Variants in KLHL1 observed in about 807,000 individuals in gnomAD.
KLHL1 encodes the protein kelch like family member 1, also known as kelch-like protein 1.
KLHL1 carries 47 observed loss-of-function variants against 77.7 expected under a neutral mutation model. That is an observed-to-expected ratio of 0.60 (90% CI 0.48 to 0.77). KLHL1 has a LOEUF of 0.77. Ranked by LOEUF, KLHL1 falls within the 30% of genes least tolerant of loss-of-function variation. KLHL1 has a pLI of 0.00. For missense variants in KLHL1, 925 were observed against 910.8 expected (o/e 1.02, Z -0.20); for synonymous variants, 360 against 325.2 (o/e 1.11, Z -1.15).
At chr13:69,905,742 C>A (rs1882026375) in intron 4 of KLHL1, among the ~76,000 whole-genome samples, 2 of 151,986 alleles carry the variant, frequency 1.3e-5, no homozygotes, top group South Asian at 4.2e-4. Context: ...CAGTGAGGTA[C>A]AATAAGGTTT....
At chr13:70,005,134 C>T (rs1319108048) in intron 1 of KLHL1, among the ~76,000 whole-genome samples, 1 of 151,578 alleles carries the variant, frequency 6.6e-6, no homozygotes, top group South Asian at 2.1e-4. Flanking sequence ...CATATACACT[C>T]ATAAATATCT....
intron 1 of KLHL1, among the ~76,000 whole-genome samples, chr13:70,098,827 CTCT>C (rs1353069140): frequency 2.0e-5 from 3 of 151,466 alleles, no homozygotes; most frequent in Non-Finnish European, 4.4e-5. Context: ...TGCTGATCAT[CTCT>C]TCTTACATTT....
chr13:69,982,286 A>T (rs933058594), intron 1 of KLHL1, among the ~76,000 whole-genome samples: 2 of 151,674 alleles, frequency 1.3e-5, no homozygotes, highest in African/African-American at 2.4e-5. Context: ...ATACTAAAAA[A>T]TTAGCCAGGC....
At chr13:69,968,975 C>T (rs771837475) in intron 2 of KLHL1, among the ~76,000 whole-genome samples, 1 of 151,958 alleles carries the variant, frequency 6.6e-6, no homozygotes, top group Non-Finnish European at 1.5e-5. Context: ...TTTGAATGCA[C>T]GTTTTTCCTA....
At chr13:69,976,495 A>G (rs1884548807) in intron 1 of KLHL1, among the ~76,000 whole-genome samples, 1 of 152,094 alleles carries the variant, frequency 6.6e-6, no homozygotes, top group Non-Finnish European at 1.5e-5. Context: ...TTCAAAAAAA[A>G]TAACTTTAAT....
chr13:69,953,895 AATC>A (rs1353917557), intron 3 of KLHL1, among the ~76,000 whole-genome samples: 2 of 151,324 alleles, frequency 1.3e-5, no homozygotes, highest in African/African-American at 2.4e-5. Flanking sequence ...CATTATGAAT[AATC>A]ATCATAATTG....
Position 69,895,262 on chromosome 13 carries a change from T to C in KLHL1, c.1015-12767A>G, listed in dbSNP as rs1046623654. Among the ~76,000 whole-genome samples the C allele has an allele frequency of 9.9e-5, 15 of 152,138 alleles. No homozygotes were observed. In the South Asian group the frequency reaches 1.0e-3, roughly 10 times the overall value. On this transcript the variant is annotated intron_variant, in intron 4 of 10. Coordinates refer to ENST00000377844, the MANE Select transcript of KLHL1 (RefSeq NM_020866.3). ...TCTGGTCCCTTTGTTTTCTTATTTT[T>C]CCCCACTCTAGTTGGTACAAGAGGT...
intron 7 of KLHL1, among the ~76,000 whole-genome samples, chr13:69,758,821 A>G (rs1874886906): frequency 6.6e-6 from 1 of 152,172 alleles, no homozygotes; most frequent in Non-Finnish European, 1.5e-5. Flanking sequence ...TAATAAACCT[A>G]AACTATGTTT....
At chr13:69,867,473 A>G (rs1033792493) in intron 5 of KLHL1, among the ~76,000 whole-genome samples, 5 of 152,048 alleles carry the variant, frequency 3.3e-5, no homozygotes, top group African/African-American at 1.2e-4. Flanking sequence ...ACAACACTGG[A>G]AAAATAAACT....
intron 1 of KLHL1, among the ~76,000 whole-genome samples, chr13:70,027,934 T>C (rs1383365061): frequency 6.6e-6 from 1 of 152,144 alleles, no homozygotes; most frequent in Non-Finnish European, 1.5e-5. Context: ...GTAAACCTAC[T>C]GTCTGAGAAA....
At chr13:69,862,289 A>G (rs1880201969) in intron 5 of KLHL1, among the ~76,000 whole-genome samples, 1 of 151,910 alleles carries the variant, frequency 6.6e-6, no homozygotes, top group South Asian at 2.1e-4. Flanking sequence ...ACACACACAC[A>G]GGAGAAGAGA....
chr13:70,023,990 T>C (rs1179083244), intron 1 of KLHL1, among the ~76,000 whole-genome samples: 1 of 151,854 alleles, frequency 6.6e-6, no homozygotes, highest in African/African-American at 2.4e-5. Context: ...TCCTCAAGCA[T>C]TTTCTCTTGA....
At chr13:69,930,671 T>C (rs1221174861) in intron 4 of KLHL1, among the ~76,000 whole-genome samples, 1 of 151,808 alleles carries the variant, frequency 6.6e-6, no homozygotes, top group Non-Finnish European at 1.5e-5. Flanking sequence ...CTTTTTCTAG[T>C]TCTGTATCAA....
intron 8 of KLHL1, among the ~76,000 whole-genome samples, chr13:69,733,789 T>A (rs2137918564): frequency 6.6e-6 from 1 of 152,314 alleles, no homozygotes; most frequent in Admixed American, 6.5e-5. Context: ...TTGAGCAGTA[T>A]CTACTAAAGC....
At chr13:69,858,994 A>C (rs1223392869) in intron 5 of KLHL1, among the ~76,000 whole-genome samples, 1 of 152,046 alleles carries the variant, frequency 6.6e-6, no homozygotes, top group Non-Finnish European at 1.5e-5. Context: ...ATACGTGTCC[A>C]TCCAAACTTC....
chr13:69,890,829 A>C (rs1250375133), intron 4 of KLHL1, among the ~76,000 whole-genome samples: 3 of 152,030 alleles, frequency 2.0e-5, no homozygotes. Flanking sequence ...TTGCTTTAGA[A>C]ATGATAAAAC....
intron 5 of KLHL1, among the ~76,000 whole-genome samples, chr13:69,864,797 C>T (rs1880310052): frequency 1.3e-5 from 2 of 152,080 alleles, no homozygotes; most frequent in East Asian, 1.9e-4. Flanking sequence ...CATATTAGGG[C>T]AAAAAGACAC....
intron 3 of KLHL1, among the ~76,000 whole-genome samples, chr13:69,958,418 A>T (rs1163736168): frequency 6.6e-6 from 1 of 151,408 alleles, no homozygotes; most frequent in Non-Finnish European, 1.5e-5. Flanking sequence ...ATTTTTTACT[A>T]TATAAAATTC....
chr13:69,764,990 C>T lies in KLHL1; in HGVS notation c.1640-24434G>A, dbSNP rs1188037077. ...TTTTTGAGACCAAGTCTCGCTTTGT[C>T]GCCCAGGCTGGAGTGCAGTGGCGCA... On this transcript the variant is annotated intron_variant, in intron 7 of 10. Coordinates refer to ENST00000377844, the MANE Select transcript of KLHL1 (RefSeq NM_020866.3). Among the ~76,000 whole-genome samples, 8 of 94,348 alleles carry T rather than the reference C, an allele frequency of 8.5e-5. No homozygotes were observed. In the East Asian group the frequency reaches 1.5e-3, roughly 18 times the overall value. The allele number at this position is 94,348 out of a possible 152,430, so 61.9% of individuals were successfully genotyped here.
Sources: allele counts gnomAD v4.1 joint callset (sites outside exome capture counted in the v4.1 genomes callset), GRCh38; gene constraint gnomAD v4.1.1; transcripts MANE v1.5; gene names NCBI Gene and HGNC (gene_info 2026-07-23, HGNC 2026-07-21).